Variants in NAV3 observed in about 807,000 individuals in gnomAD.
The protein encoded by NAV3 is pore membrane and/or filament interacting like protein 1.
A neutral mutation model predicts 244.7 loss-of-function variants in NAV3; 87 were observed. The ratio of observed to expected loss-of-function variants is 0.36; its 90% CI spans 0.30 to 0.42. The LOEUF (loss-of-function observed/expected upper bound fraction) is 0.42. Among genes scored for constraint, NAV3 ranks in the 20% least tolerant of loss-of-function variants. The probability of loss-of-function intolerance (pLI) is 1.00; values close to 1 mark genes in which losing one functional copy is unlikely to be tolerated. For synonymous variants in NAV3, 1,126 were observed against 1,042.2 expected (o/e 1.08, Z -1.55); for missense variants, 2,663 against 2,893.3 (o/e 0.92, Z 1.83).
intron 2 of NAV3, among the ~76,000 whole-genome samples, chr12:77,574,139 T>C (rs1340683657): frequency 6.6e-6 from 1 of 152,114 alleles, no homozygotes; most frequent in Non-Finnish European, 1.5e-5. Flanking sequence ...CCTCGCCTTC[T>C]CATCGGTAAA....
intron 9 of NAV3, among the ~76,000 whole-genome samples, chr12:78,046,870 C>G (rs570325795): frequency 1.2e-3 from 182 of 152,244 alleles, no homozygotes; most frequent in African/African-American, 4.1e-3. Context: ...GAGTCCAAGT[C>G]TCTTTGTAGG....
chr12:77,668,373 A>G (rs1565762805), intron 2 of NAV3, among the ~76,000 whole-genome samples: 1 of 152,250 alleles, frequency 6.6e-6, no homozygotes. Flanking sequence ...AACTTAAAAA[A>G]AATTAAAAAC....
At chr12:77,691,459 C>G (rs1192408907) in intron 2 of NAV3, among the ~76,000 whole-genome samples, 1 of 149,646 alleles carries the variant, frequency 6.7e-6, no homozygotes, top group East Asian at 2.0e-4. Flanking sequence ...CCAATCTTCT[C>G]TATCATAAAA....
intron 7 of NAV3, among the ~76,000 whole-genome samples, chr12:78,002,865 A>G (rs1380573047): frequency 2.6e-5 from 4 of 151,950 alleles, no homozygotes; most frequent in Non-Finnish European, 5.9e-5. Context: ...ATCTATGTAT[A>G]TATCAATTTA....
intron 3 of NAV3, among the ~76,000 whole-genome samples, chr12:77,945,122 A>AG (rs777159696): frequency 2.7e-3 from 27 of 9,956 alleles, no homozygotes; most frequent in Non-Finnish European, 1.7e-3. Flanking sequence ...ACTGTTAGAG[A>AG]AAAAAAAAAA....
Position 78,127,080 on chromosome 12 carries a change from T to C in NAV3, c.4239-87T>C, listed in dbSNP as rs1845281992. 7.0e-5 allele frequency: 94 copies of C among 1,335,798 alleles called. 1 individual carries two copies. In the South Asian group the frequency reaches 8.4e-4, roughly 12 times the overall value. 82.7% of individuals were successfully genotyped at this position (1,335,798 alleles called of 1,614,324 possible). On this transcript the variant is annotated intron_variant, in intron 16 of 39. Coordinates refer to ENST00000397909, the MANE Select transcript of NAV3 (RefSeq NM_001024383.2). ...TGTGTGTTACCAAAAAATTATTTTT[T>C]ATAGTTCAGAGAACCATTTTTGTTG...
At chr12:77,603,967 G>A (rs711112) in intron 2 of NAV3, among the ~76,000 whole-genome samples, 51,999 of 151,934 alleles carry the variant, frequency 0.34, 9,137 homozygotes, top group Middle Eastern at 0.49. Context: ...AAATTTAGAG[G>A]TGGAGTTTGC....
intron 2 of NAV3, among the ~76,000 whole-genome samples, chr12:77,609,542 T>A (rs1467148650): frequency 1.3e-5 from 2 of 152,054 alleles, no homozygotes; most frequent in African/African-American, 4.8e-5. Flanking sequence ...CACATGATAA[T>A]GACCCAGAAG....
chr12:77,901,761 G>A (rs1885325584), intron 1 of NAV3, among the ~76,000 whole-genome samples: 1 of 152,048 alleles, frequency 6.6e-6, no homozygotes, highest in South Asian at 2.1e-4. Context: ...TTCTTCGTAT[G>A]GCCCATGGCT....
intron 1 of NAV3, among the ~76,000 whole-genome samples, chr12:77,907,829 G>C (rs1319107884): frequency 6.6e-6 from 1 of 152,074 alleles, no homozygotes; most frequent in Non-Finnish European, 1.5e-5. Context: ...TACTGAGCCG[G>C]TGAACAGGCT....
intron 31 of NAV3, among the ~76,000 whole-genome samples, chr12:78,185,948 T>C (rs902234216): frequency 3.3e-5 from 5 of 151,896 alleles, no homozygotes; most frequent in African/African-American, 1.2e-4. Flanking sequence ...TTTCTAAAAC[T>C]TTAAAAAATA....
At chr12:77,789,990 T>C (rs1367759609) in intron 2 of NAV3, among the ~76,000 whole-genome samples, 2 of 152,110 alleles carry the variant, frequency 1.3e-5, no homozygotes, top group Non-Finnish European at 2.9e-5. Flanking sequence ...ATTTTCCTCA[T>C]CTACCTAGTG....
chr12:77,930,789 T>C (rs1415459182), intron 1 of NAV3, among the ~76,000 whole-genome samples: 1 of 152,188 alleles, frequency 6.6e-6, no homozygotes, highest in Non-Finnish European at 1.5e-5. Flanking sequence ...TATTTTATTA[T>C]CCCAACTGTT....
chr12:78,175,174 C>A (rs1244819804), intron 24 of NAV3, 132 bp from the exon 25 acceptor site: 2 of 891,650 alleles, frequency 2.2e-6, no homozygotes, highest in Non-Finnish European at 3.3e-6. Context: ...AAAGTCAAAA[C>A]TGCATTGAAA....
chr12:77,991,457 T>C (rs1328093047), intron 5 of NAV3, among the ~76,000 whole-genome samples: 2 of 57,162 alleles, frequency 3.5e-5, no homozygotes, highest in Non-Finnish European at 6.9e-5. Context: ...TTAAATTAAA[T>C]GTTTTCATTA....
chr12:77,767,356 G>A (rs1246387896), intron 2 of NAV3, among the ~76,000 whole-genome samples: 2 of 152,160 alleles, frequency 1.3e-5, no homozygotes, highest in Non-Finnish European at 2.9e-5. Flanking sequence ...GGAAACCTCT[G>A]TGGCCAGTGT....
At chr12:77,773,118 A>T (rs1870177665) in intron 2 of NAV3, among the ~76,000 whole-genome samples, 1 of 152,144 alleles carries the variant, frequency 6.6e-6, no homozygotes, top group South Asian at 2.1e-4. Context: ...ATTCTGTGAG[A>T]TTTATTTGGT....
chr12:78,037,226 T>C (rs956785966), intron 9 of NAV3: 2 of 702,966 alleles, frequency 2.8e-6, no homozygotes, highest in Admixed American at 4.0e-5. Context: ...ATAGTAGGTC[T>C]GAAGATGAAA....
chr12:78,123,298 G>C (rs1001894043), intron 16 of NAV3, among the ~76,000 whole-genome samples: 2 of 151,882 alleles, frequency 1.3e-5, no homozygotes, highest in African/African-American at 4.8e-5. Flanking sequence ...TACTGGTCAC[G>C]TAAAATACCT....
Sources: gnomAD v4.1 joint callset for allele counts (sites outside exome capture counted in the v4.1 genomes callset) on GRCh38, gnomAD v4.1.1 for gene constraint, MANE v1.5 for transcripts, NCBI Gene and HGNC (gene_info 2026-07-23, HGNC 2026-07-21) for gene names.